Variants in DAB1 observed in about 807,000 individuals in gnomAD.
The protein encoded by DAB1 is DAB adaptor protein 1.
Under a neutral mutation model 64.6 loss-of-function variants are expected in DAB1, and 15 were observed. The observed-to-expected ratio is 0.23, with a 90% CI of 0.16 to 0.36. The LOEUF is 0.36. DAB1 is among the 10% of genes least tolerant of loss of function. The pLI, the probability that DAB1 is intolerant of heterozygous loss-of-function variation, is 1.00. For missense variants in DAB1, 596 were observed against 706.7 expected (o/e 0.84, Z 1.78); for synonymous variants, 235 against 251.9 (o/e 0.93, Z 0.64).
intron 3 of DAB1, among the ~76,000 whole-genome samples, chr1:58,502,577 A>G (rs1645923683): frequency 6.6e-6 from 1 of 152,238 alleles, no homozygotes; most frequent in Non-Finnish European, 1.5e-5. Flanking sequence ...TAGGTAGAAC[A>G]TAACATACTC....
chr1:57,567,508 C>A (rs1422505811), intron 7 of DAB1, among the ~76,000 whole-genome samples: 2 of 152,252 alleles, frequency 1.3e-5, no homozygotes, highest in African/African-American at 4.8e-5. Flanking sequence ...CAGATGACAT[C>A]ATTGTATATT....
intron 6 of DAB1, among the ~76,000 whole-genome samples, chr1:57,791,887 A>G (rs1043064428): frequency 6.6e-6 from 1 of 151,960 alleles, no homozygotes; most frequent in African/African-American, 2.4e-5. Flanking sequence ...TTCTTAATCA[A>G]CTTCTTCTTG....
intron 7 of DAB1, among the ~76,000 whole-genome samples, chr1:57,438,077 A>G (rs1486193374): frequency 6.6e-6 from 1 of 152,134 alleles, no homozygotes; most frequent in Non-Finnish European, 1.5e-5. Flanking sequence ...TCTGCTTTGC[A>G]TTGTTTAAGC....
intron 2 of DAB1, among the ~76,000 whole-genome samples, chr1:57,255,185 A>T (rs1669671387): frequency 6.6e-6 from 1 of 152,194 alleles, no homozygotes; most frequent in Admixed American, 6.5e-5. Context: ...CTTCTCCAAG[A>T]AACCAATAAA....
At chr1:57,623,407 G>A (rs1466157691) in intron 7 of DAB1, among the ~76,000 whole-genome samples, 2 of 152,186 alleles carry the variant, frequency 1.3e-5, no homozygotes, top group African/African-American at 2.4e-5. Context: ...ATTACAGTGC[G>A]TTAATTATCA....
intron 9 of DAB1, among the ~76,000 whole-genome samples, chr1:57,053,642 A>ATTAAGAATCTCTCTCTC (rs1649412566): frequency 7.9e-6 from 1 of 126,284 alleles, no homozygotes; most frequent in African/African-American, 3.1e-5. Flanking sequence ...CCATCTAAGA[A>ATTAAGAATCTCTCTCTC]TCTCTCTCTC....
At chr1:57,782,027 G>T (rs546982262) in intron 6 of DAB1, among the ~76,000 whole-genome samples, 4 of 152,134 alleles carry the variant, frequency 2.6e-5, no homozygotes, top group Admixed American at 6.6e-5. Flanking sequence ...ACACGGCAAA[G>T]CAATGATAAT....
At chr1:57,909,032 G>A (rs745355458) in intron 5 of DAB1, among the ~76,000 whole-genome samples, 2 of 152,144 alleles carry the variant, frequency 1.3e-5, no homozygotes, top group Admixed American at 6.5e-5. Flanking sequence ...AGACATCATC[G>A]AAGAGAGTGC....
At chr1:57,928,188 G>C (rs989812903) in intron 5 of DAB1, among the ~76,000 whole-genome samples, 1 of 151,936 alleles carries the variant, frequency 6.6e-6, no homozygotes, top group Non-Finnish European at 1.5e-5. Flanking sequence ...TTATCAAGGC[G>C]TTAAACATTG....
intron 7 of DAB1, among the ~76,000 whole-genome samples, chr1:57,590,138 G>A (rs1310588461): frequency 6.6e-6 from 1 of 152,098 alleles, no homozygotes. Flanking sequence ...TGGTTTCTAA[G>A]GCTTCTCTCC....
chr1:57,333,540 C>A (rs943052912), intron 1 of DAB1, among the ~76,000 whole-genome samples: 1 of 152,184 alleles, frequency 6.6e-6, no homozygotes, highest in Non-Finnish European at 1.5e-5. Context: ...TGCAATAGCA[C>A]AGTGCTAGGC....
At chr1:58,106,665 A>G (rs2806410) in intron 5 of DAB1, among the ~76,000 whole-genome samples, 2,427 of 152,244 alleles carry the variant, frequency 0.016, 61 homozygotes, top group African/African-American at 0.055. Flanking sequence ...TCCTTCTCAT[A>G]CGTTGTAGAT....
chr1:58,138,797 G>A (rs1285647144), intron 5 of DAB1, among the ~76,000 whole-genome samples: 1 of 152,088 alleles, frequency 6.6e-6, no homozygotes, highest in African/African-American at 2.4e-5. Flanking sequence ...AGTTAGGCAG[G>A]GTGGTAAAGG....
intron 5 of DAB1, among the ~76,000 whole-genome samples, chr1:57,956,089 G>A (rs1441460972): frequency 6.6e-6 from 1 of 152,144 alleles, no homozygotes; most frequent in Non-Finnish European, 1.5e-5. Context: ...TGTTGTGTCA[G>A]AGGAAGGCAA....
intron 7 of DAB1, among the ~76,000 whole-genome samples, chr1:57,513,599 C>T (rs560537237): frequency 1.8e-4 from 27 of 152,256 alleles, no homozygotes; most frequent in Admixed American, 5.2e-4. Flanking sequence ...TTATGCTACA[C>T]AACATGATGT....
chr1:57,642,705 T>A (rs1000330277), intron 7 of DAB1, among the ~76,000 whole-genome samples: 5 of 152,228 alleles, frequency 3.3e-5, no homozygotes, highest in Admixed American at 1.3e-4. Context: ...AATTTAATCC[T>A]GTTCTGTTGC....
intron 3 of DAB1, among the ~76,000 whole-genome samples, chr1:58,405,761 A>G (rs1015830312): frequency 6.6e-6 from 1 of 152,212 alleles, no homozygotes; most frequent in African/African-American, 2.4e-5. Context: ...TGAGTGCGTG[A>G]GTGGACAAAT....
intron 4 of DAB1, among the ~76,000 whole-genome samples, chr1:58,318,478 G>C (rs10493240): frequency 6.6e-6 from 1 of 152,086 alleles, no homozygotes; most frequent in East Asian, 1.9e-4. Context: ...TTGTGACTCA[G>C]ACCCAAGGTG....
At chr1:57,425,190 C>T (rs947685357), upstream of DAB1, among the ~76,000 whole-genome samples, 4 of 152,272 alleles carry the variant, frequency 2.6e-5, no homozygotes, top group South Asian at 8.3e-4. Flanking sequence ...TAGATTCGCA[C>T]AGCACACAAA....
Sources: allele counts gnomAD v4.1 joint callset (sites outside exome capture counted in the v4.1 genomes callset), GRCh38; gene constraint gnomAD v4.1.1; transcripts MANE v1.5; gene names NCBI Gene and HGNC (gene_info 2026-07-23, HGNC 2026-07-21).